Variants in NPHP4 observed in about 807,000 individuals in gnomAD.
NPHP4 encodes nephrocystin 4.
Under a neutral mutation model 155.8 loss-of-function variants are expected in NPHP4, and 151 were observed. That is an observed-to-expected ratio of 0.97 (90% confidence interval 0.85 to 1.11). The LOEUF is 1.11. Among genes scored for constraint, NPHP4 ranks in the 50% least tolerant of loss-of-function variants. NPHP4 has a pLI of 0.00. For missense variants in NPHP4, 1,956 were observed against 1,925.7 expected (o/e 1.02, Z -0.29); for synonymous variants, 845 against 816.8 (o/e 1.03, Z -0.59).
chr1:5,908,992 C>T (rs1046485423), intron 12 of NPHP4, among the ~76,000 whole-genome samples, 160 bp downstream of exon 12: 1 of 152,210 alleles, frequency 6.6e-6, no homozygotes, highest in African/African-American at 2.4e-5. Flanking sequence ...ACAGGCTGCA[C>T]AGACAGGGTA....
intron 6 of NPHP4, among the ~76,000 whole-genome samples, chr1:5,956,274 G>A (rs1488967082): frequency 1.3e-5 from 2 of 152,182 alleles, no homozygotes; most frequent in Non-Finnish European, 2.9e-5. Flanking sequence ...GAAGGAAAGA[G>A]GTTCTGTGTG....
intron 29 of NPHP4, 102 bp from the exon 30 acceptor site, chr1:5,863,507 C>T: frequency 1.4e-6 from 2 of 1,452,122 alleles, no homozygotes; most frequent in Non-Finnish European, 1.9e-6. Context: ...GGGGAGCTGA[C>T]AAGGCAGGGG....
intron 12 of NPHP4, among the ~76,000 whole-genome samples, chr1:5,907,727 G>A (rs780686978): frequency 3.9e-5 from 6 of 152,280 alleles, no homozygotes; most frequent in Non-Finnish European, 5.9e-5. Context: ...GCACCAATGT[G>A]GCATTACTGT....
At chr1:5,864,250 T>C (rs2100382199) in intron 28 of NPHP4, 88 bp downstream of exon 28, 10 of 1,325,526 alleles carry the variant, frequency 7.5e-6, no homozygotes, top group South Asian at 2.8e-5. Flanking sequence ...TATCCAGTGG[T>C]CCGAGTCACA....
At chr1:5,870,007 A>G (rs1641835474) in intron 23 of NPHP4, among the ~76,000 whole-genome samples, 1 of 152,246 alleles carries the variant, frequency 6.6e-6, no homozygotes. Context: ...CATATTGTGT[A>G]TGTATGTATC....
At position 5,864,568 on chromosome 1, in the gene NPHP4, G is replaced by A; in HGVS notation, c.3817-51C>T. 2.1e-6 allele frequency: 3 copies of A among 1,431,962 alleles called. No homozygotes were observed. The South Asian group carries it at 4.5e-5, about 21-fold the overall frequency. 88.7% of individuals were successfully genotyped at this position (1,431,962 alleles called of 1,614,324 possible). A position where few individuals can be genotyped will look rare whatever the true frequency, so the allele number is the denominator to read the frequency against. Reference sequence around the variant, plus strand: ...GAGCACAGCCTCTCAGGATGTGCAAGCAAGGGGCTCCTGGGCGCCTGCAGC... The same window carrying A: ...GAGCACAGCCTCTCAGGATGTGCAAACAAGGGGCTCCTGGGCGCCTGCAGC... On this transcript the variant is annotated intron_variant, in intron 27 of 29. Coordinates refer to ENST00000378156, the MANE Select transcript of NPHP4 (RefSeq NM_015102.5).
rs949752094 is a variant in NPHP4 at position 5,864,956 on chromosome 1, G to C, written c.3816+146C>G. ...ACATCTAACGAAAGGCAACTGCCGAGAGGCCTCTGGTAACAGCGTCTGCGC... is the reference window on the plus strand; with the variant it reads ...ACATCTAACGAAAGGCAACTGCCGACAGGCCTCTGGTAACAGCGTCTGCGC... On this transcript the variant is annotated intron_variant, in intron 27 of 29. Coordinates refer to ENST00000378156, the MANE Select transcript of NPHP4 (RefSeq NM_015102.5). The C allele has an allele frequency of 3.3e-5, 24 of 736,444 alleles. No homozygotes were observed. The South Asian group carries it at 4.1e-4, about 12-fold the overall frequency. The allele number at this position is 736,444 out of a possible 1,614,324, so 45.6% of individuals were successfully genotyped here.
rs148492712 is a variant in NPHP4 at position 5,927,434 on chromosome 1, C to T, written c.1441+215G>A. The stretch of plus-strand genomic sequence containing the variant: ...GTCAAGTAACTGAGCTGACTCTGGG[C>T]TGAAGCACAAGCTTCTGGGCCACAC... On this transcript the variant is annotated intron_variant, in intron 11 of 29. Transcript: ENST00000378156. 3.6e-3 allele frequency among the ~76,000 whole-genome samples: 553 copies of T among 152,322 alleles called. 1 individual carries two copies. The highest frequency in any genetic ancestry group is 0.012 in the African/African-American group (509 of 41,568).
intron 21 of NPHP4, 36 bp downstream of exon 21, chr1:5,874,838 T>G: frequency 1.3e-6 from 2 of 1,596,000 alleles, no homozygotes; most frequent in Middle Eastern, 1.7e-4. Context: ...GACACAGATC[T>G]GGGCTGGGGC....
chr1:5,869,252 CAT>C (rs1157065463), intron 23 of NPHP4, among the ~76,000 whole-genome samples: 86 of 140,536 alleles, frequency 6.1e-4, no homozygotes, highest in African/African-American at 8.6e-4. Flanking sequence ...CACACACACA[CAT>C]GCACACCCAC....
intron 6 of NPHP4, among the ~76,000 whole-genome samples, chr1:5,957,680 A>G (rs12133022): frequency 0.01 from 1,030 of 100,474 alleles, 16 homozygotes; most frequent in African/African-American, 0.035. Context: ...CAACAGTGGG[A>G]TATTTAATTC....
Position 5,864,491 on chromosome 1 carries a change from C to G in NPHP4, c.3843G>C (p.Leu1281=). The G allele has an allele frequency of 1.9e-6, 3 of 1,591,752 alleles. No individual in the cohort carries two copies. Among genetic ancestry groups the G allele is most frequent in the Non-Finnish European group, 1.7e-6 (2 of 1,168,212 alleles). ...LKTDPKGVFV[L]PPRGVQDLHV... ...GCAGGTCCTGCACCCCACGAGGCGG[C>G]AGCACGAAGACACCTTTGGGGTCTG... The change falls in exon 28 of 30, where the codon CTG becomes CTC. Residue 1281 remains leucine, a synonymous_variant. Coordinates refer to ENST00000378156, the MANE Select transcript of NPHP4 (RefSeq NM_015102.5).
intron 3 of NPHP4, among the ~76,000 whole-genome samples, chr1:5,977,798 T>C (rs1339513114): frequency 3.0e-5 from 3 of 99,818 alleles, no homozygotes; most frequent in Non-Finnish European, 6.2e-5. Flanking sequence ...ACCTGCTACC[T>C]GGGCAAGTCA....
chr1:5,897,589 G>A (rs1644456596), intron 16 of NPHP4, among the ~76,000 whole-genome samples: 2 of 152,186 alleles, frequency 1.3e-5, no homozygotes. Flanking sequence ...AACCAGGTAA[G>A]CCCGGAACAC....
intron 10 of NPHP4, among the ~76,000 whole-genome samples, chr1:5,930,242 C>T (rs11120810): frequency 0.21 from 31,317 of 152,030 alleles, 3,749 homozygotes; most frequent in African/African-American, 0.33. Flanking sequence ...CAAACAGGTT[C>T]TTGTTTCACT....
chr1:5,894,449 CAA>C lies in NPHP4; in HGVS notation c.2144-3423_2144-3422del, dbSNP rs34608472. Among the ~76,000 whole-genome samples the C allele has an allele frequency of 5.0e-3, 514 of 103,070 alleles. 3 individuals are homozygous for C. Among genetic ancestry groups the C allele is most frequent in the African/African-American group, 0.017 (440 of 26,038 alleles). 67.6% of individuals were successfully genotyped at this position (103,070 alleles called of 152,430 possible). A position where few individuals can be genotyped will look rare whatever the true frequency, so the allele number is the denominator to read the frequency against. On this transcript the variant is annotated intron_variant, in intron 16 of 29. Coordinates refer to ENST00000378156, the MANE Select transcript of NPHP4 (RefSeq NM_015102.5). ...TGGGCTACAGAGCAAGACCCAGTCT[CAA>C]AAAAAAAAAAAAAGGTAAAATTTTT... is the stretch of plus-strand genomic sequence containing the variant.
intron 1 of NPHP4, among the ~76,000 whole-genome samples, chr1:5,991,741 G>C (rs1211963951): frequency 6.6e-6 from 1 of 151,910 alleles, no homozygotes; most frequent in Non-Finnish European, 1.5e-5. Flanking sequence ...GAGCCACCGC[G>C]GGGAACTGAC....
In NPHP4 at chr1:5,916,070, T is replaced by G. The variant is rs1236537253; in HGVS notation, c.1442-6857A>C. The stretch of plus-strand genomic sequence containing the variant: ...TCTACATGGCTGTTTTCAAATCTAT[T>G]AAGCAAACAAACCAAAATTCTGACA... On this transcript the variant is annotated intron_variant, in intron 11 of 29. Coordinates refer to ENST00000378156, the MANE Select transcript of NPHP4 (RefSeq NM_015102.5). Among the ~76,000 whole-genome samples, 3 of 152,140 alleles carry G rather than the reference T, an allele frequency of 2.0e-5. 1 individual carries two copies. The highest frequency in any genetic ancestry group is 7.2e-5 in the African/African-American group (3 of 41,430).
intron 5 of NPHP4, among the ~76,000 whole-genome samples, chr1:5,965,596 C>T (rs781685794): frequency 2.6e-5 from 4 of 152,162 alleles, no homozygotes; most frequent in African/African-American, 9.7e-5. Flanking sequence ...CTGAAGGGAC[C>T]TCCTCTTGGC....
Sources: gnomAD v4.1 joint callset for allele counts (sites outside exome capture counted in the v4.1 genomes callset) on GRCh38, gnomAD v4.1.1 for gene constraint, MANE v1.5 for transcripts, NCBI Gene and HGNC (gene_info 2026-07-23, HGNC 2026-07-21) for gene names.